LZTFL1: variants seen among roughly 807,000 people sequenced by gnomAD.
LZTFL1 encodes leucine zipper transcription factor-like protein 1.
In LZTFL1, 25 loss-of-function variants were observed where a neutral mutation model predicts 45.9. That is an observed-to-expected ratio of 0.54 (90% confidence interval 0.40 to 0.76). LZTFL1 has a LOEUF of 0.76. Ranked by LOEUF, LZTFL1 falls within the 30% of genes least tolerant of loss-of-function variation. The pLI is 0.00. For missense variants in LZTFL1, 277 were observed against 331.1 expected (o/e 0.84, Z 1.27); for synonymous variants, 93 against 117.4 (o/e 0.79, Z 1.35).
intron 7 of LZTFL1, among the ~76,000 whole-genome samples, chr3:45,829,608 G>GAAAAAAAAAA (rs1206418827): frequency 8.5e-5 from 5 of 58,910 alleles, no homozygotes; most frequent in Non-Finnish European, 1.3e-4. Context: ...TGTCTCAAAA[G>GAAAAAAAAAA]AAAAAAAAAA....
chr3:45,833,110 A>G lies in LZTFL1; in HGVS notation c.396T>C (p.Asp132=), dbSNP rs1305994159. 2.5e-6 allele frequency: 4 copies of G among 1,613,010 alleles called. No homozygotes were observed. The highest frequency in any genetic ancestry group is 4.5e-5 in the East Asian group (2 of 44,874). ...GTGGAGCAAGTTTTGGCTTTGTGACATCTAAGATGGGCTGAAACAAAATAA... is the reference window on the plus strand; with the variant it reads ...GTGGAGCAAGTTTTGGCTTTGTGACGTCTAAGATGGGCTGAAACAAAATAA... The part of the protein sequence containing the change: ...ITSSNKKPIL[D]VTKPKLAPLN... Residue 132 remains aspartate (D), a synonymous_variant, in exon 5 of 10, where the codon GAT becomes GAC. Coordinates refer to ENST00000296135, the MANE Select transcript of LZTFL1 (RefSeq NM_020347.4).
rs1700639985 is a variant in LZTFL1 at position 45,825,465 on chromosome 3, A to G, written c.*849T>C. The G allele has an allele frequency of 6.6e-6, 1 of 152,230 alleles. No individual in the cohort carries two copies. Among genetic ancestry groups the G allele is most frequent in the African/African-American group, 2.4e-5 (1 of 41,480 alleles). 9.4% of individuals were successfully genotyped at this position (152,230 alleles called of 1,614,324 possible). A position where few individuals can be genotyped will look rare whatever the true frequency, so the allele number is the denominator to read the frequency against. On this transcript the variant is annotated 3_prime_UTR_variant, in exon 10 of 10. Transcript: ENST00000296135. ...CCCACATAAATAAAGTCTAATCTGA[A>G]GTCTGATAGCTGATTTTATGTTGAA...
intron 2 of LZTFL1, chr3:45,895,127 T>G: frequency 4.4e-6 from 3 of 685,362 alleles, no homozygotes; most frequent in South Asian, 3.5e-5. Flanking sequence ...CACAGAGGGT[T>G]TTGCAAATGC....
chr3:45,855,171 C>T (rs897979312), intron 3 of LZTFL1: 1 of 695,066 alleles, frequency 1.4e-6, no homozygotes, highest in African/African-American at 1.8e-5. Flanking sequence ...CAATAAAATA[C>T]TGGCAAACCG....
chr3:45,882,797 CTATTATTATTATTATTAT>C (rs10575190), intron 2 of LZTFL1, among the ~76,000 whole-genome samples: 3,315 of 145,458 alleles, frequency 0.023, 145 homozygotes, highest in African/African-American at 0.078. Flanking sequence ...AAAGGGGATA[CTATTATTATTATTATTAT>C]TATTATTATT....
At chr3:45,859,635 A>G (rs1211361263) in intron 2 of LZTFL1, among the ~76,000 whole-genome samples, 1 of 143,984 alleles carries the variant, frequency 6.9e-6, no homozygotes, top group Non-Finnish European at 1.5e-5. Flanking sequence ...AGAACATTAC[A>G]TGGCTTTTTT....
At chr3:45,875,173 T>C (rs916818380) in intron 2 of LZTFL1, among the ~76,000 whole-genome samples, 5 of 150,864 alleles carry the variant, frequency 3.3e-5, no homozygotes, top group African/African-American at 1.2e-4. Context: ...AACATTAACT[T>C]CTTTGTTTAC....
chr3:45,832,813 T>C, intron 5 of LZTFL1: 1 of 383,510 alleles, frequency 2.6e-6, no homozygotes. Context: ...ATAAACGCTG[T>C]CCAAAATTTC....
intron 2 of LZTFL1, among the ~76,000 whole-genome samples, chr3:45,882,814 A>G (rs1701885373): frequency 7.0e-6 from 1 of 142,664 alleles, no homozygotes; most frequent in South Asian, 2.1e-4. Context: ...TATTATTATT[A>G]TTATTATTAT....
chr3:45,855,148 A>G (rs1398848444), intron 3 of LZTFL1: 51 of 875,470 alleles, frequency 5.8e-5, no homozygotes, highest in East Asian at 3.3e-4. Context: ...ATGAACATCA[A>G]TGCAAAAATC....
At chr3:45,864,291 AGAT>A (rs1701542678) in intron 2 of LZTFL1, among the ~76,000 whole-genome samples, 1 of 152,214 alleles carries the variant, frequency 6.6e-6, no homozygotes, top group Non-Finnish European at 1.5e-5. Context: ...TATCATAGGA[AGAT>A]AACAAAATTT....
At chr3:45,904,767 T>C (rs924944096) in intron 2 of LZTFL1, among the ~76,000 whole-genome samples, 1 of 152,240 alleles carries the variant, frequency 6.6e-6, no homozygotes. Context: ...GCTTCATCAA[T>C]GCAAAGCTGT....
rs773028690 is a variant in LZTFL1, at chr3:45,827,337, C to T, written c.881+19G>A. 137 of 1,525,210 alleles carry T rather than the reference C, an allele frequency of 9.0e-5. 1 individual carries two copies. In the South Asian group the frequency reaches 9.9e-4, roughly 11 times the overall value. The allele number at this position is 1,525,210 out of a possible 1,614,324, so 94.5% of individuals were successfully genotyped here. A position where few individuals can be genotyped will look rare whatever the true frequency, so the allele number is the denominator to read the frequency against. ...CAATCCAGAGAGAGAAATCCAAAGG[C>T]GGGATCAGTGTGGCTTACTGTGCCA... On this transcript the variant is annotated intron_variant, in intron 9 of 9. Coordinates refer to ENST00000296135, the MANE Select transcript of LZTFL1 (RefSeq NM_020347.4).
chr3:45,872,280 A>G (rs982842514), intron 2 of LZTFL1, among the ~76,000 whole-genome samples: 1 of 152,154 alleles, frequency 6.6e-6, no homozygotes, highest in African/African-American at 2.4e-5. Flanking sequence ...TAAACCCCAA[A>G]GCGGGGCTGT....
intron 7 of LZTFL1, among the ~76,000 whole-genome samples, chr3:45,829,237 G>T (rs963677734): frequency 6.6e-6 from 1 of 152,122 alleles, no homozygotes; most frequent in Non-Finnish European, 1.5e-5. Context: ...GACTGGATAA[G>T]ATTCATGACA....
At chr3:45,865,970 T>C (rs1278749294) in intron 2 of LZTFL1, among the ~76,000 whole-genome samples, 1 of 152,150 alleles carries the variant, frequency 6.6e-6, no homozygotes, top group African/African-American at 2.4e-5. Context: ...AGGAAACAAC[T>C]ATTGGTACAC....
At chr3:45,868,395 A>G (rs1382113619) in intron 2 of LZTFL1, among the ~76,000 whole-genome samples, 1 of 152,092 alleles carries the variant, frequency 6.6e-6, no homozygotes, top group East Asian at 1.9e-4. Context: ...TGTTTCATTA[A>G]ACAGTTTTAG....
intron 2 of LZTFL1, among the ~76,000 whole-genome samples, chr3:45,877,693 T>C: frequency 6.6e-6 from 1 of 152,038 alleles, no homozygotes. Flanking sequence ...GTAATCTGAG[T>C]CCTGTGATGG....
At position 45,899,130 on chromosome 3, in the gene LZTFL1, C is replaced by A. The variant is rs1465822990; in HGVS notation, c.-215+13990G>T. On this transcript the variant is annotated intron_variant, in intron 2 of 4. Transcript: ENST00000472635. ...GCAGTGAGCCGAGATGGCGCCATTGCACTCCAGCCTGGGAAGCAAGAGCAA... is the reference window on the plus strand; with the variant it reads ...GCAGTGAGCCGAGATGGCGCCATTGAACTCCAGCCTGGGAAGCAAGAGCAA... Among the ~76,000 whole-genome samples the A allele has an allele frequency of 4.6e-5, 7 of 152,344 alleles. No individual in the cohort carries two copies. In the East Asian group the frequency reaches 1.3e-3, roughly 29 times the overall value.
Sources: allele counts gnomAD v4.1 joint callset (sites outside exome capture counted in the v4.1 genomes callset), GRCh38; gene constraint gnomAD v4.1.1; transcripts MANE v1.5; gene names NCBI Gene and HGNC (gene_info 2026-07-23, HGNC 2026-07-21).